Variants in TMEM117 observed in about 807,000 individuals in gnomAD.
TMEM117 encodes the protein transmembrane protein 117.
A neutral mutation model predicts 52.4 loss-of-function variants in TMEM117; 27 were observed. The ratio of observed to expected loss-of-function variants is 0.51; its 90% CI spans 0.38 to 0.71. TMEM117 has a LOEUF of 0.71. Ranked by LOEUF, TMEM117 falls within the 30% of genes least tolerant of loss-of-function variation. The pLI is 0.00. For synonymous variants in TMEM117, 215 were observed against 206.3 expected (o/e 1.04, Z -0.36); for missense variants, 556 against 630.5 (o/e 0.88, Z 1.26).
intron 3 of TMEM117, among the ~76,000 whole-genome samples, chr12:44,032,306 A>G (rs1223898755): frequency 6.6e-6 from 1 of 152,246 alleles, no homozygotes; most frequent in Non-Finnish European, 1.5e-5. Flanking sequence ...AGATAGAAAT[A>G]TTATGTTTTA....
chr12:44,045,267 A>C (rs1177121411), intron 3 of TMEM117, among the ~76,000 whole-genome samples: 1 of 152,178 alleles, frequency 6.6e-6, no homozygotes, highest in African/African-American at 2.4e-5. Flanking sequence ...CTGAGTGCCC[A>C]ATTTGCCAGC....
At chr12:44,226,499 A>G (rs977998756) in intron 5 of TMEM117, among the ~76,000 whole-genome samples, 1 of 132,872 alleles carries the variant, frequency 7.5e-6, no homozygotes, top group South Asian at 2.2e-4. Context: ...ATAAATATAT[A>G]TATGTGTGTG....
intron 2 of TMEM117, among the ~76,000 whole-genome samples, chr12:43,873,608 A>G (rs1943742386): frequency 6.6e-6 from 1 of 152,154 alleles, no homozygotes; most frequent in African/African-American, 2.4e-5. Context: ...TGTCATTAAA[A>G]AAAGAAAACT....
At chr12:44,332,230 A>G (rs765458323) in intron 6 of TMEM117, among the ~76,000 whole-genome samples, 3 of 152,094 alleles carry the variant, frequency 2.0e-5, no homozygotes, top group South Asian at 2.1e-4. Flanking sequence ...AAGTGTTGCT[A>G]TAAGAAATAA....
intron 2 of TMEM117, among the ~76,000 whole-genome samples, chr12:43,927,507 C>A (rs375388661): frequency 1.3e-5 from 2 of 151,490 alleles, no homozygotes; most frequent in South Asian, 2.1e-4. Context: ...ACATCTCACA[C>A]TGATTATAGA....
intron 2 of TMEM117, among the ~76,000 whole-genome samples, chr12:43,906,975 G>C (rs2137520239): frequency 6.6e-6 from 1 of 152,366 alleles, no homozygotes; most frequent in South Asian, 2.1e-4. Flanking sequence ...TGGGAAGCTT[G>C]AACTGGGTGG....
intron 5 of TMEM117, among the ~76,000 whole-genome samples, chr12:44,222,045 A>G (rs543845121): frequency 6.6e-6 from 1 of 152,210 alleles, no homozygotes; most frequent in African/African-American, 2.4e-5. Flanking sequence ...ACCTTACTTT[A>G]TAATGATGGA....
intron 3 of TMEM117, among the ~76,000 whole-genome samples, chr12:44,049,422 G>C (rs1019636830): frequency 1.3e-5 from 2 of 151,980 alleles, no homozygotes; most frequent in Non-Finnish European, 2.9e-5. Context: ...GTTGGGTGGT[G>C]GGGGGCGAGG....
At chr12:44,157,542 G>A (rs1948843076) in intron 4 of TMEM117, among the ~76,000 whole-genome samples, 1 of 152,014 alleles carries the variant, frequency 6.6e-6, no homozygotes, top group Non-Finnish European at 1.5e-5. Flanking sequence ...CTGATACCAA[G>A]ACTGTATAAT....
intron 2 of TMEM117, among the ~76,000 whole-genome samples, chr12:43,902,895 C>T (rs1433517604): frequency 1.3e-5 from 2 of 151,284 alleles, no homozygotes; most frequent in Non-Finnish European, 2.9e-5. Flanking sequence ...CACAACAGTA[C>T]CTAAATAGAA....
chr12:44,186,191 G>T (rs1949275952), intron 4 of TMEM117, among the ~76,000 whole-genome samples: 1 of 152,146 alleles, frequency 6.6e-6, no homozygotes, highest in South Asian at 2.1e-4. Flanking sequence ...ATGTGGTTAG[G>T]ATTTTGACAT....
intron 3 of TMEM117, among the ~76,000 whole-genome samples, chr12:44,027,385 GCTGGT>G (rs1946559240): frequency 6.6e-6 from 1 of 151,858 alleles, no homozygotes; most frequent in Admixed American, 6.6e-5. Context: ...TGTTGGCCAG[GCTGGT>G]CTTGAACTCC....
chr12:43,984,405 A>ACAG (rs771045077), intron 3 of TMEM117, among the ~76,000 whole-genome samples: 30 of 149,734 alleles, frequency 2.0e-4, no homozygotes, highest in African/African-American at 3.7e-4. Flanking sequence ...AACAACAACA[A>ACAG]CAGCATATCA....
At chr12:43,891,983 C>CT (rs887833706) in intron 2 of TMEM117, among the ~76,000 whole-genome samples, 2 of 152,064 alleles carry the variant, frequency 1.3e-5, no homozygotes, top group Admixed American at 1.3e-4. Flanking sequence ...TTGCAATAGC[C>CT]TTTTTCCAAA....
intron 5 of TMEM117, among the ~76,000 whole-genome samples, chr12:44,220,230 C>G (rs1378549351): frequency 6.6e-6 from 1 of 152,146 alleles, no homozygotes; most frequent in African/African-American, 2.4e-5. Context: ...CAGTTAACAA[C>G]TCTGAGCTTG....
chr12:44,231,861 A>G (rs1183307677), intron 5 of TMEM117, among the ~76,000 whole-genome samples: 1 of 151,692 alleles, frequency 6.6e-6, no homozygotes, highest in African/African-American at 2.4e-5. Context: ...TATGGTGCTC[A>G]TTTGGTACCT....
intron 3 of TMEM117, among the ~76,000 whole-genome samples, chr12:44,016,068 G>T (rs1946368955): frequency 6.6e-6 from 1 of 152,098 alleles, no homozygotes; most frequent in Admixed American, 6.6e-5. Flanking sequence ...CCGTTGAATG[G>T]ATTGATAGCA....
At chr12:43,924,990 A>T (rs1399249369) in intron 2 of TMEM117, among the ~76,000 whole-genome samples, 1 of 152,118 alleles carries the variant, frequency 6.6e-6, no homozygotes, top group East Asian at 1.9e-4. Flanking sequence ...GTTCTCTCAA[A>T]TGGATGGCAG....
At chr12:44,391,039 A>G (rs1952159097), downstream of TMEM117, among the ~76,000 whole-genome samples, 1 of 152,164 alleles carries the variant, frequency 6.6e-6, no homozygotes. Context: ...AAAATTACTA[A>G]GCACAGATTC....
Sources: gnomAD v4.1 joint callset for allele counts (sites outside exome capture counted in the v4.1 genomes callset) on GRCh38, gnomAD v4.1.1 for gene constraint, MANE v1.5 for transcripts, NCBI Gene and HGNC (gene_info 2026-07-23, HGNC 2026-07-21) for gene names.